CDH18: variants seen among roughly 807,000 people sequenced by gnomAD.
CDH18 encodes cadherin 18.
CDH18 carries 31 observed loss-of-function variants against 67.9 expected under a neutral mutation model. The observed-to-expected ratio is 0.46, with a 90% CI of 0.34 to 0.62. The LOEUF (loss-of-function observed/expected upper bound fraction) is 0.62, where lower values mean the gene tolerates loss of function less well. Ranked by LOEUF, CDH18 falls within the 20% of genes least tolerant of loss-of-function variation. The pLI is 0.01. For synonymous variants in CDH18, 362 were observed against 347.2 expected (o/e 1.04, Z -0.48); for missense variants, 890 against 975.5 (o/e 0.91, Z 1.17).
intron 1 of CDH18, among the ~76,000 whole-genome samples, chr5:20,389,114 T>C (rs930812529): frequency 2.0e-5 from 3 of 152,118 alleles, no homozygotes; most frequent in Non-Finnish European, 1.5e-5. Context: ...CCTTGTTAAC[T>C]TTCTGTCTCA....
In CDH18 at chr5:20,229,761, T is replaced by C. The variant is rs188978013; in HGVS notation, c.-518+25683A>G. 5.9e-5 allele frequency among the ~76,000 whole-genome samples: 9 copies of C among 152,200 alleles called. No homozygotes were observed. The East Asian group carries it at 1.5e-3, about 26-fold the overall frequency. On this transcript the variant is annotated intron_variant, in intron 2 of 14. Coordinates refer to the CDH18 transcript ENST00000507958. Reference sequence around the variant, plus strand: ...TAGATTCTTTTTTCTTCCTTAGCTATGTATATTTTTGTATGGTTGTAATTC... The same window carrying C: ...TAGATTCTTTTTTCTTCCTTAGCTACGTATATTTTTGTATGGTTGTAATTC...
At chr5:20,082,306 C>T (rs1020193618) in intron 2 of CDH18, among the ~76,000 whole-genome samples, 3 of 151,912 alleles carry the variant, frequency 2.0e-5, no homozygotes, top group Non-Finnish European at 2.9e-5. Flanking sequence ...AGAAGAGAAC[C>T]GCAAGTAGTA....
At chr5:20,471,087 T>C (rs1581061938) in intron 1 of CDH18, among the ~76,000 whole-genome samples, 1 of 148,148 alleles carries the variant, frequency 6.8e-6, no homozygotes, top group East Asian at 1.9e-4. Flanking sequence ...TCTCTTAAAC[T>C]TAAAGTGGGT....
intron 8 of CDH18, among the ~76,000 whole-genome samples, chr5:19,568,350 G>T (rs2149919210): frequency 6.6e-6 from 1 of 152,276 alleles, no homozygotes; most frequent in Non-Finnish European, 1.5e-5. Context: ...GTCATGAATG[G>T]ATTAGTGCCT....
At chr5:20,567,072 C>A (rs1418810654) in intron 1 of CDH18, among the ~76,000 whole-genome samples, 5 of 152,146 alleles carry the variant, frequency 3.3e-5, no homozygotes, top group African/African-American at 1.2e-4. Flanking sequence ...AGCATGAACT[C>A]TTTATTCAGT....
intron 2 of CDH18, among the ~76,000 whole-genome samples, chr5:20,230,452 G>A (rs1741977963): frequency 6.6e-6 from 1 of 152,064 alleles, no homozygotes; most frequent in Admixed American, 6.6e-5. Context: ...GAAAAACTGA[G>A]CTTCCTAAAG....
chr5:20,440,832 A>T (rs2150190176), intron 1 of CDH18, among the ~76,000 whole-genome samples: 1 of 152,134 alleles, frequency 6.6e-6, no homozygotes, highest in Non-Finnish European at 1.5e-5. Flanking sequence ...CAGACAAAAC[A>T]ATGTTCCAGG....
intron 5 of CDH18, among the ~76,000 whole-genome samples, chr5:19,704,093 C>T (rs185528596): frequency 8.5e-5 from 13 of 152,266 alleles, no homozygotes; most frequent in Admixed American, 3.3e-4. Flanking sequence ...TGAAATTAAA[C>T]GAACAGGAGG....
At chr5:20,367,269 C>T (rs1415303534) in intron 1 of CDH18, among the ~76,000 whole-genome samples, 2 of 152,140 alleles carry the variant, frequency 1.3e-5, no homozygotes, top group Non-Finnish European at 2.9e-5. Flanking sequence ...CGGGAAAATA[C>T]TAATGACCTT....
chr5:20,128,555 C>A (rs532971879), intron 2 of CDH18, among the ~76,000 whole-genome samples: 9 of 152,126 alleles, frequency 5.9e-5, no homozygotes, highest in Non-Finnish European at 1.0e-4. Flanking sequence ...AGCTCTTTTG[C>A]AACTACTGAA....
intron 4 of CDH18, among the ~76,000 whole-genome samples, chr5:19,740,456 C>G (rs1486298783): frequency 1.3e-5 from 2 of 151,862 alleles, no homozygotes; most frequent in African/African-American, 4.8e-5. Context: ...TAGGTGAAAG[C>G]AAGACTGTAA....
chr5:20,335,204 T>G (rs1253828765), intron 1 of CDH18, among the ~76,000 whole-genome samples: 1 of 152,094 alleles, frequency 6.6e-6, no homozygotes, highest in Non-Finnish European at 1.5e-5. Flanking sequence ...TATTTCTCTG[T>G]AGCAAGGTGG....
chr5:19,543,659 T>C (rs1454802495), intron 9 of CDH18, among the ~76,000 whole-genome samples: 3 of 152,104 alleles, frequency 2.0e-5, no homozygotes. Context: ...ATGCCACTTT[T>C]CCATCACCAT....
intron 2 of CDH18, among the ~76,000 whole-genome samples, chr5:20,242,658 G>A (rs983044433): frequency 9.7e-5 from 3 of 30,886 alleles, no homozygotes; most frequent in Admixed American, 2.7e-4. Flanking sequence ...ATATGTAAAT[G>A]GACTAGCTAT....
intron 1 of CDH18, among the ~76,000 whole-genome samples, chr5:20,354,982 A>G (rs1055834058): frequency 1.3e-5 from 2 of 152,192 alleles, no homozygotes; most frequent in Non-Finnish European, 2.9e-5. Context: ...ACGAGGGCCA[A>G]TTACCGGGAA....
intron 2 of CDH18, among the ~76,000 whole-genome samples, chr5:20,016,442 T>C (rs1442105927): frequency 1.3e-5 from 2 of 152,032 alleles, no homozygotes; most frequent in Non-Finnish European, 2.9e-5. Flanking sequence ...AAATTGCACA[T>C]GTACCCCTGA....
At chr5:20,364,980 G>T (rs764608056) in intron 1 of CDH18, among the ~76,000 whole-genome samples, 51 of 152,282 alleles carry the variant, frequency 3.3e-4, no homozygotes, top group Non-Finnish European at 5.7e-4. Context: ...TGAATAAAAT[G>T]GAGTAGGGTT....
intron 2 of CDH18, among the ~76,000 whole-genome samples, chr5:19,912,312 G>T (rs1791240919): frequency 6.6e-6 from 1 of 152,062 alleles, no homozygotes; most frequent in South Asian, 2.1e-4. Flanking sequence ...GAAGATAAAT[G>T]AATACATCAG....
At chr5:19,664,983 G>C (rs974938017) in intron 5 of CDH18, among the ~76,000 whole-genome samples, 1 of 151,848 alleles carries the variant, frequency 6.6e-6, no homozygotes, top group Non-Finnish European at 1.5e-5. Context: ...TCTAACATAA[G>C]CAAGATGACT....
Sources: allele counts gnomAD v4.1 joint callset (sites outside exome capture counted in the v4.1 genomes callset), GRCh38; gene constraint gnomAD v4.1.1; transcripts MANE v1.5; gene names NCBI Gene and HGNC (gene_info 2026-07-23, HGNC 2026-07-21).